The following TRPV3 variants were observed in gnomAD, a reference collection of about 807,000 sequenced individuals.
TRPV3 encodes the protein transient receptor potential cation channel subfamily V member 3, also known as VRL-3.
Under a neutral mutation model 87.1 loss-of-function variants are expected in TRPV3, and 88 were observed. The ratio of observed to expected loss-of-function variants is 1.01; its 90% CI spans 0.85 to 1.21. TRPV3 has a LOEUF of 1.21. TRPV3 is among the 50% of genes most tolerant of loss of function. The pLI, the probability that TRPV3 is intolerant of heterozygous loss-of-function variation, is 0.00. For synonymous variants in TRPV3, 438 were observed against 423.3 expected (o/e 1.03, Z -0.43); for missense variants, 1,054 against 1,030.1 (o/e 1.02, Z -0.32).
chr17:3,529,013 C>A lies in TRPV3; in HGVS notation c.1243-18G>T, dbSNP rs1268052795. ...TGCCGGTTCTAGGGGTAGAATGCCA[C>A]CAGTCACCATGGAGATGAGGGAGAG... On this transcript the variant is annotated intron_variant, in intron 9 of 17. Transcript: ENST00000576742. 1 of 1,614,062 alleles carries A rather than the reference C, an allele frequency of 6.2e-7. No individual in the cohort carries two copies.
Position 3,518,970 on chromosome 17 carries a change from A to C in TRPV3, c.1811-120T>G. The stretch of plus-strand genomic sequence containing the variant: ...TCCTTCTCTCTGGCCATTAAATCCC[A>C]TCTCCAGTTTCAGGTCCTCTCAAAG... On this transcript the variant is annotated intron_variant, in intron 14 of 17. Coordinates refer to ENST00000576742, the MANE Select transcript of TRPV3 (RefSeq NM_145068.4). The surrounding 1 kb of genome is among the most constrained non-coding windows in gnomAD (Gnocchi z 4.3). 8.7e-7 allele frequency: 1 copy of C among 1,143,208 alleles called. No individual in the cohort carries two copies. The highest frequency in any genetic ancestry group is 1.2e-6 in the Non-Finnish European group (1 of 826,840). The allele number at this position is 1,143,208 out of a possible 1,614,324, so 70.8% of individuals were successfully genotyped here.
chr17:3,529,592 G>A (rs941130697), intron 9 of TRPV3, among the ~76,000 whole-genome samples: 9 of 152,032 alleles, frequency 5.9e-5, no homozygotes, highest in African/African-American at 1.9e-4. Flanking sequence ...AAGGCCCCCC[G>A]ATTGCTCCTC....
In TRPV3 at chr17:3,535,679, C is replaced by A; in HGVS notation, c.678G>T (p.Arg226=). The change falls in exon 7 of 18, where the codon CGG becomes CGT. Residue 226 remains arginine (R), a synonymous_variant. Transcript: ENST00000576742. ...QTALNIAIER[R]QGDIAALLIA... ...TGAGCAGGGCTGCGATGTCCCCCTG[C>A]CGCCGCTCGATGGCGATGTTCAGCG... 2 of 1,589,498 alleles carry A rather than the reference C, an allele frequency of 1.3e-6. No individual in the cohort carries two copies. The highest frequency in any genetic ancestry group is 2.3e-5 in the South Asian group (2 of 88,170).
At chr17:3,533,123 C>T (rs1221832746) in intron 7 of TRPV3, among the ~76,000 whole-genome samples, 186 bp from the exon 8 acceptor site, 1 of 152,194 alleles carries the variant, frequency 6.6e-6, no homozygotes, top group African/African-American at 2.4e-5. Context: ...TCCTAACTGG[C>T]CTCCCTGCCT....
rs1170520519 is a variant in TRPV3, at chr17:3,542,559, C to G, written c.606G>C (p.Arg202Ser). The G allele has an allele frequency of 1.2e-6, 2 of 1,614,016 alleles. No homozygotes were observed. Among genetic ancestry groups the G allele is most frequent in the Non-Finnish European group, 1.7e-6 (2 of 1,180,014 alleles). The change falls in exon 6 of 18, where the codon AGG (arginine) becomes AGC (serine). Residue 202 changes from arginine (R) to serine (S), a missense_variant. Arg to Ser is a moderately radical substitution (Grantham distance 110). Coordinates refer to ENST00000576742, the MANE Select transcript of TRPV3 (RefSeq NM_145068.4). ...CCTCTGTGTACTCGGCGTTGATGAACCTGCCCAGGATGTCGTTCTCTTCAG... is the reference window on the plus strand; with the variant it reads ...CCTCTGTGTACTCGGCGTTGATGAAGCTGCCCAGGATGTCGTTCTCTTCAG... The part of the protein sequence containing the change: ...AFAEENDILG[R>S]FINAEYTEEA...
In TRPV3 at chr17:3,513,837, CA is replaced by C; in HGVS notation, c.*79del. 7.9e-7 allele frequency: 1 copy of C among 1,268,920 alleles called. No individual in the cohort carries two copies. Among genetic ancestry groups the C allele is most frequent in the Non-Finnish European group, 1.1e-6 (1 of 881,530 alleles). The allele number at this position is 1,268,920 out of a possible 1,614,324, so 78.6% of individuals were successfully genotyped here. On this transcript the variant is annotated 3_prime_UTR_variant, in exon 18 of 18. Transcript: ENST00000576742. ...AGCAGAGCCGGACTCCACCATCCCTCAAAGCCTCTCTGCACAGAGTCGGTGA... is the reference window on the plus strand; with the variant it reads ...AGCAGAGCCGGACTCCACCATCCCTCAAGCCTCTCTGCACAGAGTCGGTGA...
rs998748527 is a variant in TRPV3, at chr17:3,556,543, C to T, written c.-3+1133G>A. Among the ~76,000 whole-genome samples the T allele has an allele frequency of 2.6e-5, 4 of 152,246 alleles. No homozygotes were observed. The South Asian group carries it at 8.3e-4, about 32-fold the overall frequency. On this transcript the variant is annotated intron_variant, in intron 1 of 17. Coordinates refer to ENST00000576742, the MANE Select transcript of TRPV3 (RefSeq NM_145068.4). This position sits in a 1 kb window ranked among gnomAD's most constrained non-coding sequence, Gnocchi z 4.2. ...ACGGATTTCTGTAAGAAGAACCCAG[C>T]TGGGTGGGGTGGAGCTGGGGCCACT...
At chr17:3,535,314 T>TTCTCCCTCCTCCCTTCCTTCC (rs768707266) in intron 7 of TRPV3, among the ~76,000 whole-genome samples, 41 of 70,820 alleles carry the variant, frequency 5.8e-4, no homozygotes, top group Non-Finnish European at 8.9e-4. Flanking sequence ...CCCTCTTCCT[T>TTCTCCCTCCTCCCTTCCTTCC]TCTCCCTCCT....
intron 2 of TRPV3, among the ~76,000 whole-genome samples, chr17:3,545,679 G>C (rs1215448561): frequency 6.6e-6 from 1 of 151,160 alleles, no homozygotes; most frequent in Non-Finnish European, 1.5e-5. Context: ...AGAGAAAGGA[G>C]GAAAGAAAAA....
chr17:3,540,060 AAAAT>A lies in TRPV3; in HGVS notation c.643+2458_643+2461del, dbSNP rs369472913. On this transcript the variant is annotated intron_variant, in intron 6 of 17. Coordinates refer to ENST00000576742, the MANE Select transcript of TRPV3 (RefSeq NM_145068.4). ...GTGACACAGCGGAACTCCATCTCAA[AAAAT>A]AAATAAATAAATAAATAAATAAATA... is the stretch of plus-strand genomic sequence containing the variant. Among the ~76,000 whole-genome samples, 1,295 of 145,628 alleles carry A rather than the reference AAAAT, an allele frequency of 8.9e-3. 11 individuals carry two copies. The highest frequency in any genetic ancestry group is 0.019 in the African/African-American group (744 of 40,048).
chr17:3,547,620 G>GA (rs568358561), intron 2 of TRPV3, among the ~76,000 whole-genome samples: 4 of 151,710 alleles, frequency 2.6e-5, no homozygotes, highest in African/African-American at 4.8e-5. Flanking sequence ...GACTCCTCTA[G>GA]AAAAAAAATG....
chr17:3,535,129 C>A (rs1485490600), intron 7 of TRPV3, among the ~76,000 whole-genome samples: 2 of 151,276 alleles, frequency 1.3e-5, no homozygotes, highest in Non-Finnish European at 1.5e-5. Context: ...CGGGGTGGCC[C>A]CTCCCTTCCT....
At chr17:3,526,253 A>C (rs2074298616) in intron 12 of TRPV3, among the ~76,000 whole-genome samples, 1 of 152,142 alleles carries the variant, frequency 6.6e-6, no homozygotes. Flanking sequence ...TGAGGTGGGC[A>C]GATCACTTGA....
At chr17:3,547,717 G>C (rs568727917) in intron 2 of TRPV3, among the ~76,000 whole-genome samples, 3 of 152,204 alleles carry the variant, frequency 2.0e-5, no homozygotes, top group Admixed American at 1.3e-4. Context: ...AGGCGGTGGA[G>C]GGGGGCAGCG....
rs989495075 is a variant in TRPV3 at position 3,543,501 on chromosome 17, T to G, written c.439A>C (p.Arg147=). The G allele has an allele frequency of 6.2e-7, 1 of 1,613,660 alleles. No homozygotes were observed. Among genetic ancestry groups the G allele is most frequent in the African/African-American group, 1.3e-5 (1 of 74,922 alleles). ...ELLVELQELC[R]RRHDEDVPDF... Reference sequence around the variant, plus strand: ...GGCACATCCTCATCATGGCGCCGCCTGCAAAGCTCCTGCAGCTCCACCAGC... The same window carrying G: ...GGCACATCCTCATCATGGCGCCGCCGGCAAAGCTCCTGCAGCTCCACCAGC... The change falls in exon 5 of 18, where the codon AGG becomes CGG. Residue 147 remains arginine, a synonymous_variant. Transcript: ENST00000576742.
intron 17 of TRPV3, chr17:3,514,354 C>T (rs1282172463): frequency 1.3e-5 from 7 of 553,452 alleles, no homozygotes; most frequent in Non-Finnish European, 1.3e-5. Context: ...GCTGGGATTA[C>T]AGGCACGAGC....
intron 6 of TRPV3, among the ~76,000 whole-genome samples, chr17:3,541,973 A>C (rs1201791845): frequency 1.3e-5 from 2 of 151,434 alleles, no homozygotes; most frequent in African/African-American, 4.9e-5. Context: ...TTATTTATTT[A>C]TTTTGAGATG....
At chr17:3,536,251 G>A (rs1471161671) in intron 6 of TRPV3, among the ~76,000 whole-genome samples, 1 of 149,466 alleles carries the variant, frequency 6.7e-6, no homozygotes, top group Non-Finnish European at 1.5e-5. Context: ...CGGTGCATGG[G>A]TGTTTTCAGA....
rs997882078 is a variant in TRPV3 at position 3,514,021 on chromosome 17, A to T, written c.2279-10T>A. 29 of 1,594,616 alleles carry T rather than the reference A, an allele frequency of 1.8e-5. No homozygotes were observed. The highest frequency in any genetic ancestry group is 1.1e-4 in the East Asian group (5 of 44,698). ...TGGATTTTGTTGAAATCTGCTTTTTAAAAAAATATATATTTTAGAAATATA... is the reference window on the plus strand; with the variant it reads ...TGGATTTTGTTGAAATCTGCTTTTTTAAAAAATATATATTTTAGAAATATA... On this transcript the variant is annotated splice_polypyrimidine_tract_variant and intron_variant, in intron 17 of 17. Coordinates refer to ENST00000576742, the MANE Select transcript of TRPV3 (RefSeq NM_145068.4).
Sources: allele counts gnomAD v4.1 joint callset (sites outside exome capture counted in the v4.1 genomes callset), GRCh38; gene constraint gnomAD v4.1.1; non-coding constraint Gnocchi (gnomAD v3.1); transcripts MANE v1.5; gene names NCBI Gene and HGNC (gene_info 2026-07-23, HGNC 2026-07-21).